Variants in CSAD observed in about 807,000 individuals in gnomAD.
CSAD encodes the protein P-selectin cytoplasmic tail-associated protein.
In CSAD, 47 loss-of-function variants were observed where a neutral mutation model predicts 61.5. That is an observed-to-expected ratio of 0.76 (90% CI 0.60 to 0.97). The LOEUF is 0.97. CSAD is among the 50% of genes least tolerant of loss of function. CSAD has a pLI of 0.00. For synonymous variants in CSAD, 245 were observed against 252.7 expected (o/e 0.97, Z 0.29); for missense variants, 611 against 643.6 (o/e 0.95, Z 0.55).
At position 53,171,435 on chromosome 12, in the gene CSAD, G is replaced by C; in HGVS notation, c.458C>G (p.Ser153Cys). The change falls in exon 8 of 17, where the codon TCC becomes TGC. Residue 153 changes from serine to cysteine, a missense_variant. Transcript: ENST00000444623. ...ATTTACAGCATACATGTTGGAGATGGAGCCACCTGTCACAGGGAGGGGGCG... is the reference window on the plus strand; with the variant it reads ...ATTTACAGCATACATGTTGGAGATGCAGCCACCTGTCACAGGGAGGGGGCG... ...SGDGIFCPGGSISNMYAVNLA... is the reference protein window; with the variant it reads ...SGDGIFCPGGCISNMYAVNLA... 2 of 1,613,586 alleles carry C rather than the reference G, an allele frequency of 1.2e-6. No individual in the cohort carries two copies. Among genetic ancestry groups the C allele is most frequent in the Non-Finnish European group, 1.7e-6 (2 of 1,179,964 alleles).
upstream of CSAD, chr12:53,181,055 C>T (rs1244538910): frequency 1.1e-6 from 1 of 902,032 alleles, no homozygotes; most frequent in Non-Finnish European, 1.4e-6. Flanking sequence ...GGAGAGGGCT[C>T]TCGGAGGGGA....
chr12:53,158,912 C>G lies in CSAD; in HGVS notation c.1309-228G>C, dbSNP rs2121365450. ...GCTTTTCTCCCCATTTCTCCTGTCT[C>G]CAAGAAATCTGTCCTGTGGGACATT... On this transcript the variant is annotated intron_variant, in intron 16 of 16. Transcript: ENST00000444623. Among the ~76,000 whole-genome samples, 3 of 152,338 alleles carry G rather than the reference C, an allele frequency of 2.0e-5. No individual in the cohort carries two copies. The Middle Eastern group carries it at 0.01, about 518-fold the overall frequency.
intron 10 of CSAD, among the ~76,000 whole-genome samples, chr12:53,163,071 A>G (rs1442941525): frequency 6.6e-6 from 1 of 151,838 alleles, no homozygotes; most frequent in Non-Finnish European, 1.5e-5. Flanking sequence ...CAAAAAAAAA[A>G]AAAAGAAAAA....
chr12:53,160,420 C>T, intron 13 of CSAD, 101 bp from the exon 14 acceptor site: 1 of 1,227,160 alleles, frequency 8.1e-7, no homozygotes, highest in South Asian at 1.3e-5. Flanking sequence ...CCTCTTCTTT[C>T]CCTGGAGCCA....
intron 10 of CSAD, chr12:53,164,267 T>C (rs1939629104): frequency 1.3e-5 from 2 of 156,360 alleles, no homozygotes; most frequent in Admixed American, 1.3e-4. Flanking sequence ...TTTAAAACCT[T>C]TGTACTTCAA....
chr12:53,165,662 C>CA (rs540475159), intron 10 of CSAD, among the ~76,000 whole-genome samples: 1,906 of 46,144 alleles, frequency 0.041, 57 homozygotes, highest in African/African-American at 0.12. Flanking sequence ...GACTCCATCT[C>CA]AAAAAAAAAA....
chr12:53,169,201 C>T (rs563449222), intron 10 of CSAD, among the ~76,000 whole-genome samples: 5 of 150,630 alleles, frequency 3.3e-5, no homozygotes, highest in African/African-American at 1.2e-4. Flanking sequence ...AAAAAATGGC[C>T]GGGTGCAATG....
Position 53,171,877 on chromosome 12 carries a change from C to T in CSAD, c.451+5G>A. On this transcript the variant is annotated splice_donor_5th_base_variant and intron_variant, in intron 7 of 16. Coordinates refer to ENST00000444623, the MANE Select transcript of CSAD (RefSeq NM_001244705.2). ...CAAAGAAAGGTCCTCCTCCTTCTCA[C>T]AAACCAGGGCAGAAGATTCCGTCCC... The T allele has an allele frequency of 6.2e-7, 1 of 1,604,162 alleles. No individual in the cohort carries two copies. The highest frequency in any genetic ancestry group is 1.1e-5 in the South Asian group (1 of 90,754).
rs748898085 is a variant in CSAD at position 53,158,557 on chromosome 12, A to T, written c.1436T>A (p.Met479Lys). 6.2e-7 allele frequency: 1 copy of T among 1,613,424 alleles called. No homozygotes were observed. Among genetic ancestry groups the T allele is most frequent in the East Asian group, 2.2e-5 (1 of 44,880 alleles). The change falls in exon 17 of 17, where the codon ATG (methionine) becomes AAG (lysine). Residue 479 changes from methionine (M) to lysine (K), a missense_variant. Met to Lys is a moderately conservative substitution (Grantham distance 95). Transcript: ENST00000444623. ...VANSALTCAD[M>K]DFLLNELERL... ...CTCCAGCTCGTTGAGGAGGAAGTCC[A>T]TATCAGCACAGGTCAGTGCAGAGTT...
At chr12:53,180,039 G>A (rs965953277) in intron 1 of CSAD, 15 of 1,423,906 alleles carry the variant, frequency 1.1e-5, no homozygotes, top group Non-Finnish European at 1.4e-5. Context: ...AGGGGAGAAG[G>A]TAACCAACCA....
At position 53,158,660 on chromosome 12, in the gene CSAD, T is replaced by C. The variant is rs143563275; in HGVS notation, c.1333A>G (p.Met445Val). Residue 445 changes from methionine to valine, a missense_variant, in exon 17 of 17, where the codon ATG becomes GTG. Transcript: ENST00000444623. ...SKVAPVLKERMVKEGSMMIGY... is the reference protein window; with the variant it reads ...SKVAPVLKERVVKEGSMMIGY... Reference sequence around the variant, plus strand: ...ATCATCATGGAGCCCTCCTTCACCATGCGCTCCTTGAGCACGGGGGCCACC... The same window carrying C: ...ATCATCATGGAGCCCTCCTTCACCACGCGCTCCTTGAGCACGGGGGCCACC... The C allele has an allele frequency of 1.9e-6, 3 of 1,614,050 alleles. No individual in the cohort carries two copies. The highest frequency in any genetic ancestry group is 1.3e-5 in the African/African-American group (1 of 74,930).
At chr12:53,180,617 C>T (rs1465909757) in intron 1 of CSAD, 115 bp downstream of exon 1, 4 of 1,283,950 alleles carry the variant, frequency 3.1e-6, no homozygotes, top group Non-Finnish European at 4.1e-6. Context: ...TGAGGCTGCC[C>T]CCGCTAGTCT....
In CSAD at chr12:53,173,326, G is replaced by A. The variant is rs773123522; in HGVS notation, c.126+19C>T. ...AAGAAAGAAAGCTTGATGGGAAGGA[G>A]GAGGAAGAAAGGACTCACCTTCTGG... On this transcript the variant is annotated intron_variant, in intron 4 of 16. Transcript: ENST00000444623. 2.5e-6 allele frequency: 4 copies of A among 1,606,242 alleles called. No individual in the cohort carries two copies. Among genetic ancestry groups the A allele is most frequent in the South Asian group, 1.1e-5 (1 of 90,790 alleles).
At chr12:53,175,491 A>G (rs1320651876) in intron 2 of CSAD, among the ~76,000 whole-genome samples, 3 of 152,158 alleles carry the variant, frequency 2.0e-5, no homozygotes, top group African/African-American at 4.8e-5. Context: ...CACCCACATT[A>G]ATAAAGGCAC....
In CSAD at chr12:53,180,014, T is replaced by C. The variant is rs1295425338; in HGVS notation, c.-91+718A>G. On this transcript the variant is annotated intron_variant, in intron 1 of 16. Transcript: ENST00000444623. ...GGCTAGTGTTTGATGCTGGACGGCC[T>C]GGAGTAAAGGGCGAAGGGGAGAAGG... 2.1e-6 allele frequency: 3 copies of C among 1,447,036 alleles called. No homozygotes were observed. The African/African-American group carries it at 4.3e-5, about 21-fold the overall frequency. The allele number at this position is 1,447,036 out of a possible 1,614,324, so 89.6% of individuals were successfully genotyped here.
Position 53,172,334 on chromosome 12 carries a change from T to G in CSAD, c.344+12A>C. 6.2e-7 allele frequency: 1 copy of G among 1,611,656 alleles called. No individual in the cohort carries two copies. The highest frequency in any genetic ancestry group is 8.5e-7 in the Non-Finnish European group (1 of 1,177,926). On this transcript the variant is annotated intron_variant, in intron 6 of 16. Transcript: ENST00000444623. ...CCTTTGTGGGATGGTAGAGGGGCCT[T>G]GGGATGCTCACTGGCTGGTGTTGAG...
chr12:53,165,075 G>A (rs1227671094), intron 10 of CSAD, among the ~76,000 whole-genome samples: 2 of 152,140 alleles, frequency 1.3e-5, no homozygotes, highest in Admixed American at 1.3e-4. Flanking sequence ...TCCCAGTACT[G>A]TTGAGAGGCT....
chr12:53,174,748 T>TA (rs1450651410), intron 2 of CSAD, among the ~76,000 whole-genome samples: 1 of 152,048 alleles, frequency 6.6e-6, no homozygotes, highest in Admixed American at 6.5e-5. Flanking sequence ...GCCAAGATGG[T>TA]ACCACTGCAC....
intron 1 of CSAD, chr12:53,179,560 ATCTC>A (rs905416069): frequency 4.9e-5 from 25 of 512,384 alleles, no homozygotes; most frequent in South Asian, 3.7e-4. Context: ...ATGTTTCTTT[ATCTC>A]TCTCTTTCTC....
Sources: gnomAD v4.1 joint callset for allele counts (sites outside exome capture counted in the v4.1 genomes callset) on GRCh38, gnomAD v4.1.1 for gene constraint, MANE v1.5 for transcripts, NCBI Gene and HGNC (gene_info 2026-07-23, HGNC 2026-07-21) for gene names.